Variants in SESTD1 observed in about 807,000 individuals in gnomAD.
SESTD1 encodes the protein SEC14 domain and spectrin repeat-containing protein 1.
SESTD1 carries 43 observed loss-of-function variants against 101.7 expected under a neutral mutation model. The ratio of observed to expected loss-of-function variants is 0.42; its 90% CI spans 0.33 to 0.55. SESTD1 has a LOEUF of 0.55. SESTD1 is among the 20% of genes least tolerant of loss of function. SESTD1 has a pLI of 0.07. For missense variants in SESTD1, 647 were observed against 815.1 expected, an observed-to-expected ratio of 0.79 and a Z score of 2.51; for synonymous variants, 283 against 286.8, an observed-to-expected ratio of 0.99 and a Z score of 0.13.
chr2:179,122,056 T>C lies in SESTD1; in HGVS notation c.1283-127A>G, dbSNP rs1575425121. ...AGGAGCTTTGTACAGTAAACCACCT[T>C]GGGATGGAATCCCAAGACTCCATCC... On this transcript the variant is annotated intron_variant, in intron 12 of 17. Coordinates refer to ENST00000428443, the MANE Select transcript of SESTD1 (RefSeq NM_178123.5). 5.4e-6 allele frequency: 4 copies of C among 745,634 alleles called. No homozygotes were observed. In the African/African-American group the frequency reaches 7.3e-5, roughly 14 times the overall value. 46.2% of individuals were successfully genotyped at this position (745,634 alleles called of 1,614,324 possible).
intron 5 of SESTD1, among the ~76,000 whole-genome samples, chr2:179,165,574 C>G (rs1179757588): frequency 6.6e-6 from 1 of 152,218 alleles, no homozygotes; most frequent in East Asian, 1.9e-4. Flanking sequence ...ACCTTACTAG[C>G]TGGCTGAAGT....
Position 179,104,387 on chromosome 2 carries a change from G to A in SESTD1, c.*5512C>T, listed in dbSNP as rs1048061236. On this transcript the variant is annotated 3_prime_UTR_variant, in exon 18 of 18. Transcript: ENST00000428443. ...TTAAGATGAGAAAACATTCCTAAGA[G>A]AAAAATCAAACATACAAATTTTATT... is the stretch of plus-strand genomic sequence containing the variant. The A allele has an allele frequency of 6.6e-6, 1 of 152,042 alleles. No individual in the cohort carries two copies. The highest frequency in any genetic ancestry group is 6.6e-5 in the Admixed American group (1 of 15,246). 9.4% of individuals were successfully genotyped at this position (152,042 alleles called of 1,614,324 possible).
At chr2:179,225,861 A>G (rs2046877368) in intron 1 of SESTD1, among the ~76,000 whole-genome samples, 1 of 152,186 alleles carries the variant, frequency 6.6e-6, no homozygotes, top group African/African-American at 2.4e-5. Flanking sequence ...ATACCTCTTA[A>G]TGCAACCACA....
At chr2:179,169,675 C>T (rs1301388272) in intron 5 of SESTD1, among the ~76,000 whole-genome samples, 1 of 152,046 alleles carries the variant, frequency 6.6e-6, no homozygotes, top group African/African-American at 2.4e-5. Flanking sequence ...ACAAACCAAA[C>T]CTTAAACTTA....
chr2:179,229,977 T>C (rs2046958814), intron 1 of SESTD1, among the ~76,000 whole-genome samples: 1 of 150,534 alleles, frequency 6.6e-6, no homozygotes, highest in Non-Finnish European at 1.5e-5. Flanking sequence ...TCACACATAG[T>C]TGTTGCAATC....
intron 1 of SESTD1, among the ~76,000 whole-genome samples, chr2:179,217,938 C>T (rs1273762149): frequency 6.6e-6 from 1 of 150,464 alleles, no homozygotes; most frequent in Non-Finnish European, 1.5e-5. Context: ...AACGAGAACA[C>T]TTGGACACAG....
At chr2:179,188,097 G>C (rs1411365421) in intron 2 of SESTD1, among the ~76,000 whole-genome samples, 1 of 152,064 alleles carries the variant, frequency 6.6e-6, no homozygotes, top group Non-Finnish European at 1.5e-5. Context: ...GACATCTACA[G>C]AACAGTCTAC....
chr2:179,164,987 T>C (rs2045809836), intron 5 of SESTD1, among the ~76,000 whole-genome samples: 1 of 152,224 alleles, frequency 6.6e-6, no homozygotes, highest in Admixed American at 6.5e-5. Flanking sequence ...ACAGCCTAAA[T>C]TATCCAAAAT....
intron 2 of SESTD1, among the ~76,000 whole-genome samples, chr2:179,185,523 A>G (rs185906832): frequency 7.2e-6 from 1 of 137,996 alleles, no homozygotes; most frequent in Non-Finnish European, 1.5e-5. Context: ...TATATTATAT[A>G]TTGTATATAT....
chr2:179,115,240 C>A lies in SESTD1; in HGVS notation c.1664G>T (p.Gly555Val). ...VDVAQSTYDYGRQLLQATVVL... is the reference protein window; with the variant it reads ...VDVAQSTYDYVRQLLQATVVL... ...AACTGTGGCCTGTAGCAACTGCCTG[C>A]CATAGTCATAAGTGCTCTAAAAAAG... The change falls in exon 16 of 18, where the codon GGC (glycine) becomes GTC (valine). Residue 555 changes from glycine (G) to valine (V), a missense_variant. This residue lies in a region of SESTD1 where 476 missense variants were observed against 562.6 expected (regional missense o/e 0.85). Transcript: ENST00000428443. 6.3e-7 allele frequency: 1 copy of A among 1,595,196 alleles called. No individual in the cohort carries two copies. Among genetic ancestry groups the A allele is most frequent in the Non-Finnish European group, 8.5e-7 (1 of 1,174,866 alleles).
chr2:179,261,367 G>A (rs979151893), intron 1 of SESTD1, among the ~76,000 whole-genome samples: 16 of 152,174 alleles, frequency 1.1e-4, no homozygotes, highest in African/African-American at 3.9e-4. Flanking sequence ...GCAGGAAGTA[G>A]AGTCAGAAGA....
At chr2:179,237,235 A>T (rs1244555153) in intron 1 of SESTD1, among the ~76,000 whole-genome samples, 1 of 152,166 alleles carries the variant, frequency 6.6e-6, no homozygotes, top group Non-Finnish European at 1.5e-5. Context: ...CTGTGAAAAA[A>T]AAAATACCAT....
At chr2:179,250,982 T>A (rs2047308393) in intron 1 of SESTD1, among the ~76,000 whole-genome samples, 2 of 152,174 alleles carry the variant, frequency 1.3e-5, no homozygotes, top group Admixed American at 1.3e-4. Context: ...CATGAACATT[T>A]ACAGCAGCTT....
chr2:179,262,814 C>A (rs1351797667), intron 1 of SESTD1, among the ~76,000 whole-genome samples: 1 of 152,132 alleles, frequency 6.6e-6, no homozygotes, highest in African/African-American at 2.4e-5. Context: ...AGTAGATTAC[C>A]TGTTTAAAAT....
chr2:179,132,378 A>G lies in SESTD1; in HGVS notation c.898T>C (p.Trp300Arg), dbSNP rs972054778. The G allele has an allele frequency of 1.9e-6, 3 of 1,568,110 alleles. No homozygotes were observed. Among genetic ancestry groups the G allele is most frequent in the Admixed American group, 2.1e-5 (1 of 47,490 alleles). Residue 300 changes from tryptophan (W) to arginine (R), a missense_variant, in exon 10 of 18, where the codon TGG (tryptophan) becomes CGG (arginine). Trp to Arg is a moderately radical substitution (Grantham distance 101, BLOSUM62 -3). This residue lies in a region of SESTD1 where 476 missense variants were observed against 562.6 expected (regional missense o/e 0.85). Coordinates refer to ENST00000428443, the MANE Select transcript of SESTD1 (RefSeq NM_178123.5). ...GCCCTAATGGAGTCTCCAATGCCCC[A>G]CTGGGCTCTTAGTTGTTCTGATCCA... ...GPGSEQLRAQ[W>R]GIGDSIRASQ...
At chr2:179,231,439 A>G (rs1335665698) in intron 1 of SESTD1, among the ~76,000 whole-genome samples, 2 of 152,056 alleles carry the variant, frequency 1.3e-5, no homozygotes, top group African/African-American at 4.8e-5. Flanking sequence ...TAAGAAAACA[A>G]AGAAATGAGG....
chr2:179,176,110 G>A (rs1209481077), intron 4 of SESTD1, among the ~76,000 whole-genome samples: 1 of 152,160 alleles, frequency 6.6e-6, no homozygotes, highest in Non-Finnish European at 1.5e-5. Context: ...GAGGGAGAAT[G>A]ATACAGACAC....
chr2:179,142,962 C>T (rs537717371), intron 9 of SESTD1, among the ~76,000 whole-genome samples: 2 of 152,248 alleles, frequency 1.3e-5, no homozygotes, highest in East Asian at 3.9e-4. Context: ...GATTTAAAAA[C>T]TAGGACGTTT....
At chr2:179,261,735 A>G (rs1400278372) in intron 1 of SESTD1, among the ~76,000 whole-genome samples, 1 of 151,934 alleles carries the variant, frequency 6.6e-6, no homozygotes, top group Non-Finnish European at 1.5e-5. Flanking sequence ...AGCAATGTAG[A>G]AGGGTTACCC....
Sources: allele counts gnomAD v4.1 joint callset (sites outside exome capture counted in the v4.1 genomes callset), GRCh38; gene constraint gnomAD v4.1.1; regional missense constraint gnomAD v4.1.1; transcripts MANE v1.5; gene names NCBI Gene and HGNC (gene_info 2026-07-23, HGNC 2026-07-21).